Variants in CEP63 observed in about 807,000 individuals in gnomAD.
CEP63 encodes centrosomal protein of 63 kDa.
In CEP63, 84 loss-of-function variants were observed where a neutral mutation model predicts 89.1. The ratio of observed to expected loss-of-function variants is 0.94; its 90% CI spans 0.79 to 1.13. CEP63 has a LOEUF of 1.13. Among genes scored for constraint, CEP63 ranks in the 50% most tolerant of loss-of-function variants. The probability of loss-of-function intolerance (pLI) is 0.00; values close to 1 mark genes in which losing one functional copy is unlikely to be tolerated. For missense variants in CEP63, 838 were observed against 813.3 expected (o/e 1.03, Z -0.37); for synonymous variants, 267 against 272.5 (o/e 0.98, Z 0.20).
chr3:134,754,814 C>T, the CEP63 span, among the ~76,000 whole-genome samples: 1 of 152,206 alleles, frequency 6.6e-6, no homozygotes, highest in Non-Finnish European at 1.5e-5. Context: ...CCACTCCTAA[C>T]CATGACTCCT....
intron 10 of CEP63, among the ~76,000 whole-genome samples, chr3:134,585,651 A>G (rs1289698587): frequency 6.6e-6 from 1 of 152,204 alleles, no homozygotes; most frequent in African/African-American, 2.4e-5. Flanking sequence ...TGTGGTGCTG[A>G]GAAGAATGTA....
At chr3:134,767,555 T>A in the CEP63 span, among the ~76,000 whole-genome samples, 37 of 152,218 alleles carry the variant, frequency 2.4e-4, no homozygotes, top group Non-Finnish European at 4.1e-4. Flanking sequence ...TCTGCCATTT[T>A]AAAATTCTGA....
At chr3:134,498,545 A>G (rs917113969) in intron 2 of CEP63, among the ~76,000 whole-genome samples, 1 of 151,986 alleles carries the variant, frequency 6.6e-6, no homozygotes, top group Non-Finnish European at 1.5e-5. Context: ...GGATGCCTCT[A>G]TTTCTTTTTC....
At chr3:134,648,661 G>C in the CEP63 span, among the ~76,000 whole-genome samples, 3 of 152,068 alleles carry the variant, frequency 2.0e-5, no homozygotes, top group Non-Finnish European at 4.4e-5. Flanking sequence ...CAAATTCCTA[G>C]TGACCTAGCC....
chr3:134,727,079 A>T, the CEP63 span, among the ~76,000 whole-genome samples: 1 of 151,914 alleles, frequency 6.6e-6, no homozygotes, highest in Non-Finnish European at 1.5e-5. Context: ...TTAGATTCTG[A>T]TTGCCACTGA....
the CEP63 span, chr3:134,615,369 TTC>T: frequency 6.6e-6 from 1 of 151,364 alleles, no homozygotes; most frequent in Admixed American, 6.6e-5. Context: ...TTTTTTTTTT[TTC>T]ACGTGTGAAA....
chr3:134,596,036 G>A, the CEP63 span, among the ~76,000 whole-genome samples: 8 of 131,796 alleles, frequency 6.1e-5, no homozygotes, highest in East Asian at 2.7e-4. Flanking sequence ...AAGCTTTCCC[G>A]TGGAAAGGTT....
the CEP63 span, among the ~76,000 whole-genome samples, chr3:134,647,765 TTTCCAC>T: frequency 8.3e-3 from 1,266 of 152,322 alleles, 17 homozygotes; most frequent in African/African-American, 0.029. Context: ...AGATGCCCAT[TTTCCAC>T]TTCCACCTCT....
the CEP63 span, among the ~76,000 whole-genome samples, chr3:134,726,485 C>CACACAA: frequency 6.7e-6 from 1 of 149,290 alleles, no homozygotes; most frequent in African/African-American, 2.5e-5. Context: ...CACACACACA[C>CACACAA]ACACACACAC....
At position 134,574,910 on chromosome 3, in the gene CEP63, T is replaced by C. The variant is rs1475000424; in HGVS notation, c.*19T>C. The C allele has an allele frequency of 1.6e-5, 8 of 497,038 alleles. 1 individual carries two copies. The East Asian group carries it at 2.3e-4, about 14-fold the overall frequency. The allele number at this position is 497,038 out of a possible 1,614,324, so 30.8% of individuals were successfully genotyped here. On this transcript the variant is annotated 3_prime_UTR_variant, in exon 12 of 12. Coordinates refer to the CEP63 transcript ENST00000354446. ...AGTGTGAGCTACCACCACTGGCAGT[T>C]AAGAATTTTAACAATTTGTCAATGA...
At chr3:134,761,563 TG>T in the CEP63 span, among the ~76,000 whole-genome samples, 2 of 152,170 alleles carry the variant, frequency 1.3e-5, no homozygotes, top group African/African-American at 4.8e-5. Context: ...TTATTGTTTT[TG>T]CTGACACGGC....
Position 134,562,009 on chromosome 3 carries a change from A to G in CEP63, c.*474A>G. On this transcript the variant is annotated 3_prime_UTR_variant, in exon 15 of 15. Coordinates refer to ENST00000675561, the MANE Select transcript of CEP63 (RefSeq NM_001353108.3). ...GGGGCTTGTTATTTACTGGGCTGGTAGCCCCTCCTAGCCAAGGGGCTGGTA... is the reference window on the plus strand; with the variant it reads ...GGGGCTTGTTATTTACTGGGCTGGTGGCCCCTCCTAGCCAAGGGGCTGGTA... The G allele has an allele frequency of 2.0e-6, 2 of 1,013,094 alleles. No homozygotes were observed. The highest frequency in any genetic ancestry group is 2.4e-6 in the Non-Finnish European group (2 of 846,774). 62.8% of individuals were successfully genotyped at this position (1,013,094 alleles called of 1,614,324 possible). A position where few individuals can be genotyped will look rare whatever the true frequency, so the allele number is the denominator to read the frequency against.
intron 6 of CEP63, among the ~76,000 whole-genome samples, chr3:134,538,721 A>T (rs1951390678): frequency 6.6e-6 from 1 of 151,362 alleles, no homozygotes; most frequent in East Asian, 1.9e-4. Context: ...CTTGACCAAG[A>T]TATTGTTATA....
the CEP63 span, among the ~76,000 whole-genome samples, chr3:134,637,754 G>A: frequency 6.6e-6 from 1 of 152,208 alleles, no homozygotes; most frequent in African/African-American, 2.4e-5. Flanking sequence ...TTGCCATCCT[G>A]CGTTACATGC....
rs372750204 is a variant in CEP63 at position 134,553,025 on chromosome 3, C to G, written c.1467+1013C>G. 134 of 152,190 alleles carry G rather than the reference C, an allele frequency of 8.8e-4. 1 individual carries two copies. The highest frequency in any genetic ancestry group is 3.2e-3 in the African/African-American group (132 of 41,532). 9.4% of individuals were successfully genotyped at this position (152,190 alleles called of 1,614,324 possible). A position where few individuals can be genotyped will look rare whatever the true frequency, so the allele number is the denominator to read the frequency against. On this transcript the variant is annotated intron_variant, in intron 12 of 14. Transcript: ENST00000675561. ...TTTTAACTGTTTTGTTACAAAATTC[C>G]TATAATTTGCAAAATGACTCATCTA...
the CEP63 span, among the ~76,000 whole-genome samples, chr3:134,739,533 A>G: frequency 6.6e-6 from 1 of 152,224 alleles, no homozygotes; most frequent in Non-Finnish European, 1.5e-5. Context: ...AGAAAAATTG[A>G]TAATGCACTA....
chr3:134,684,247 G>A, the CEP63 span, among the ~76,000 whole-genome samples: 11 of 152,358 alleles, frequency 7.2e-5, no homozygotes, highest in African/African-American at 2.6e-4. Flanking sequence ...TCTGGGCTGA[G>A]TGTATGGTTC....
At chr3:134,639,060 CTA>C in the CEP63 span, among the ~76,000 whole-genome samples, 1 of 79,358 alleles carries the variant, frequency 1.3e-5, no homozygotes. Flanking sequence ...TTTTTTTTTT[CTA>C]CTTTGGAGTT....
chr3:134,500,393 G>A (rs527396905), intron 2 of CEP63, among the ~76,000 whole-genome samples: 1 of 152,002 alleles, frequency 6.6e-6, no homozygotes, highest in Admixed American at 6.5e-5. Context: ...TTGGTGTTGC[G>A]ATGAACATGT....
Sources: allele counts gnomAD v4.1 joint callset (sites outside exome capture counted in the v4.1 genomes callset), GRCh38; gene constraint gnomAD v4.1.1; transcripts MANE v1.5; gene names NCBI Gene and HGNC (gene_info 2026-07-23, HGNC 2026-07-21).